Variants in CDH19 observed in about 807,000 individuals in gnomAD.
CDH19 encodes cadherin-19.
Under a neutral mutation model 64.2 loss-of-function variants are expected in CDH19, and 67 were observed. The observed-to-expected ratio is 1.04, with a 90% CI of 0.86 to 1.28. CDH19 has a LOEUF of 1.28. Ranked by LOEUF, CDH19 falls within the 50% of genes most tolerant of loss-of-function variation. The pLI is 0.00. For synonymous variants in CDH19, 346 were observed against 319.3 expected (o/e 1.08, Z -0.89); for missense variants, 1,030 against 929.0 (o/e 1.11, Z -1.41).
intron 3 of CDH19, among the ~76,000 whole-genome samples, chr18:66,561,997 C>G (rs1599017061): frequency 6.6e-6 from 1 of 151,904 alleles, no homozygotes; most frequent in South Asian, 2.1e-4. Context: ...ATAAGTTCAA[C>G]ACAATATTTG....
Position 66,544,036 on chromosome 18 carries a change from G to T in CDH19, c.1149C>A (p.Thr383=), listed in dbSNP as rs575539013. Residue 383 remains threonine (T), a synonymous_variant, in exon 7 of 12, where the codon ACC becomes ACA. Transcript: ENST00000262150. The stretch of plus-strand genomic sequence containing the variant: ...CCACGCCTACAAATGATCCCTGTGG[G>T]GTTTCTTCAAAAACTTCAAATACAT... ...PYYVFEVFEE[T]PQGSFVGVVS... is the part of the protein sequence containing the mutation. The T allele has an allele frequency of 6.2e-7, 1 of 1,613,494 alleles. No individual in the cohort carries two copies.
At chr18:66,583,407 G>T (rs1988482592) in intron 1 of CDH19, among the ~76,000 whole-genome samples, 1 of 151,986 alleles carries the variant, frequency 6.6e-6, no homozygotes, top group Admixed American at 6.6e-5. Flanking sequence ...TCATGTCACA[G>T]GAGTTTGTTG....
rs774725385 is a variant in CDH19, at chr18:66,544,807, A to C, written c.872T>G (p.Met291Arg). Reference sequence around the variant, plus strand: ...ATCATCCTCTTCAATGCTGTAATCCATTTCTGCATTCTCTCCTATGTCATT... The same window carrying C: ...ATCATCCTCTTCAATGCTGTAATCCCTTTCTGCATTCTCTCCTATGTCATT... ...YDNDIGENAE[M>R]DYSIEEDDSQ... Residue 291 changes from methionine to arginine, a missense_variant, in exon 6 of 12, where the codon ATG becomes AGG. Coordinates refer to ENST00000262150, the MANE Select transcript of CDH19 (RefSeq NM_021153.4). The C allele has an allele frequency of 3.7e-6, 6 of 1,612,530 alleles. 1 individual carries two copies. The highest frequency in any genetic ancestry group is 1.7e-5 in the Admixed American group (1 of 60,000).
chr18:66,597,746 C>CA (rs1395764035), intron 1 of CDH19, among the ~76,000 whole-genome samples: 2 of 151,754 alleles, frequency 1.3e-5, no homozygotes, highest in Non-Finnish European at 2.9e-5. Context: ...AATCAGCAAG[C>CA]AAAAAACAAA....
At chr18:66,550,061 A>G (rs73539787) in intron 5 of CDH19, among the ~76,000 whole-genome samples, 2,666 of 152,274 alleles carry the variant, frequency 0.018, 67 homozygotes, top group African/African-American at 0.059. Flanking sequence ...ATCAATAACT[A>G]AGAAATCATG....
rs551568611 is a variant in CDH19 at position 66,547,547 on chromosome 18, G to A, written c.776-2644C>T. Among the ~76,000 whole-genome samples, 4 of 152,016 alleles carry A rather than the reference G, an allele frequency of 2.6e-5. No individual in the cohort carries two copies. The East Asian group carries it at 7.7e-4, about 29-fold the overall frequency. ...TTTATATCGAATAAGCAAGGTTTTG[G>A]CTTGAAGAACATGAAACCTGGATGT... On this transcript the variant is annotated intron_variant, in intron 5 of 11. Transcript: ENST00000262150.
At chr18:66,602,344 G>A (rs956337874) in intron 1 of CDH19, among the ~76,000 whole-genome samples, 9 of 151,934 alleles carry the variant, frequency 5.9e-5, no homozygotes, top group Admixed American at 5.9e-4. Context: ...CAGATTATAT[G>A]TAGCTGTATT....
At chr18:66,518,687 A>G (rs2144372483) in intron 9 of CDH19, among the ~76,000 whole-genome samples, 1 of 152,254 alleles carries the variant, frequency 6.6e-6, no homozygotes, top group Non-Finnish European at 1.5e-5. Flanking sequence ...ATTTTTAGGA[A>G]AGTTTAAATA....
chr18:66,540,620 G>A (rs578009858), intron 7 of CDH19, among the ~76,000 whole-genome samples: 1 of 152,210 alleles, frequency 6.6e-6, no homozygotes, highest in African/African-American at 2.4e-5. Context: ...CCAGAGAGAG[G>A]CTTGAGAGAG....
Position 66,551,153 on chromosome 18 carries a change from G to T in CDH19, c.716C>A (p.Thr239Lys). 6.2e-7 allele frequency: 1 copy of T among 1,608,456 alleles called. No individual in the cohort carries two copies. The highest frequency in any genetic ancestry group is 1.1e-5 in the South Asian group (1 of 90,892). Residue 239 changes from threonine (T) to lysine (K), a missense_variant, in exon 5 of 12, where the codon ACA (threonine) becomes AAA (lysine). By Grantham distance (78) the Thr-to-Lys change is moderately conservative. Transcript: ENST00000262150. ...MIGQPGALSG[T>K]TSVLIKLSDV... ...TGAAAGTTTAATTAATACACTTGTT[G>T]TTCCAGACAACGCTCCTGGCTGACC...
chr18:66,592,056 T>G (rs1988762092), intron 1 of CDH19, among the ~76,000 whole-genome samples: 1 of 151,852 alleles, frequency 6.6e-6, no homozygotes, highest in Non-Finnish European at 1.5e-5. Flanking sequence ...AAGCTCACAC[T>G]TGAATAAAAG....
rs762562329 is a variant in CDH19 at position 66,504,907 on chromosome 18, C to G, written c.2224G>C (p.Asp742His). 1 of 1,613,510 alleles carries G rather than the reference C, an allele frequency of 6.2e-7. No individual in the cohort carries two copies. Among genetic ancestry groups the G allele is most frequent in the Non-Finnish European group, 8.5e-7 (1 of 1,179,726 alleles). ...SLSSLESAVS[D>H]QDESYDYLNE... ...AGGTAATCATAGCTTTCATCCTGAT[C>G]AGAGACTGCTGATTCTAAGGAGCTC... The change falls in exon 12 of 12, where the codon GAT becomes CAT. Residue 742 changes from aspartate (D) to histidine (H), a missense_variant. Coordinates refer to ENST00000262150, the MANE Select transcript of CDH19 (RefSeq NM_021153.4).
intron 6 of CDH19, 126 bp from the exon 7 acceptor site, chr18:66,544,350 C>A: frequency 1.3e-6 from 1 of 775,598 alleles, no homozygotes. Flanking sequence ...TTTTTATGTA[C>A]ATGGATCTCT....
At chr18:66,511,408 C>T (rs1484210135) in intron 10 of CDH19, among the ~76,000 whole-genome samples, 160 bp downstream of exon 10, 2 of 151,660 alleles carry the variant, frequency 1.3e-5, no homozygotes, top group African/African-American at 2.4e-5. Flanking sequence ...TAGAACTTAA[C>T]ATTGAGTTTT....
intron 1 of CDH19, among the ~76,000 whole-genome samples, chr18:66,603,407 C>T (rs1001443947): frequency 1.3e-5 from 2 of 151,168 alleles, no homozygotes; most frequent in Admixed American, 6.6e-5. Flanking sequence ...TATGCCTGTA[C>T]AATTTTAGGC....
At position 66,584,270 on chromosome 18, in the gene CDH19, G is replaced by A. The variant is rs562430921; in HGVS notation, c.-112-11954C>T. Reference sequence around the variant, plus strand: ...AAAAGCTCAGTCTCACTTATTAGAGGAATGAAAATCAAAAGTACGAGATAC... The same window carrying A: ...AAAAGCTCAGTCTCACTTATTAGAGAAATGAAAATCAAAAGTACGAGATAC... On this transcript the variant is annotated intron_variant, in intron 1 of 11. Coordinates refer to ENST00000262150, the MANE Select transcript of CDH19 (RefSeq NM_021153.4). 5.9e-5 allele frequency among the ~76,000 whole-genome samples: 9 copies of A among 152,032 alleles called. No individual in the cohort carries two copies. The South Asian group carries it at 1.9e-3, about 32-fold the overall frequency.
At chr18:66,584,909 T>C (rs1473769934) in intron 1 of CDH19, among the ~76,000 whole-genome samples, 2 of 152,120 alleles carry the variant, frequency 1.3e-5, no homozygotes, top group Non-Finnish European at 2.9e-5. Flanking sequence ...TATTCTACTA[T>C]TCCTTTGATT....
At position 66,553,401 on chromosome 18, in the gene CDH19, T is replaced by C. The variant is rs1987409442; in HGVS notation, c.610+1004A>G. ...CATACATTTGAAAAAATAAAGGCCA[T>C]GTACATTCCTGAGAGAATTAAGAAC... On this transcript the variant is annotated intron_variant, in intron 4 of 11. Transcript: ENST00000262150. 1.5e-5 allele frequency among the ~76,000 whole-genome samples: 2 copies of C among 134,040 alleles called. 1 individual carries two copies. The highest frequency in any genetic ancestry group is 6.9e-5 in the African/African-American group (2 of 29,094). 87.9% of individuals were successfully genotyped at this position (134,040 alleles called of 152,430 possible).
intron 2 of CDH19, among the ~76,000 whole-genome samples, chr18:66,568,930 A>G (rs1988011729): frequency 6.6e-6 from 1 of 151,764 alleles, no homozygotes; most frequent in Non-Finnish European, 1.5e-5. Context: ...TACACATTTC[A>G]TTATTCTAAA....
Sources: gnomAD v4.1 joint callset for allele counts (sites outside exome capture counted in the v4.1 genomes callset) on GRCh38, gnomAD v4.1.1 for gene constraint, MANE v1.5 for transcripts, NCBI Gene and HGNC (gene_info 2026-07-23, HGNC 2026-07-21) for gene names.